SDK2: variants seen among roughly 807,000 people sequenced by gnomAD.
The protein encoded by SDK2 is sidekick cell adhesion molecule 2, also known as protein sidekick-2.
A neutral mutation model predicts 253.9 loss-of-function variants in SDK2; 105 were observed. That is an observed-to-expected ratio of 0.41 (90% CI 0.35 to 0.49). SDK2 has a LOEUF of 0.49. SDK2 is among the 20% of genes least tolerant of loss of function. SDK2 has a pLI of 0.06. For missense variants in SDK2, 2,608 were observed against 3,003.0 expected (o/e 0.87, Z 3.07); for synonymous variants, 1,249 against 1,234.9 (o/e 1.01, Z -0.24).
In SDK2 at chr17:73,511,008, G is replaced by A. The variant is rs1410637498; in HGVS notation, c.65-3411C>T. On this transcript the variant is annotated intron_variant, in intron 1 of 44. Transcript: ENST00000392650. The surrounding 1 kb of genome is among the most constrained non-coding windows in gnomAD (Gnocchi z 4.9). ...CCACCTCTGGCCAGGTGCTAGGGAG[G>A]ATGGAGAGGCTGATGGGCACCCATT... 6.6e-6 allele frequency among the ~76,000 whole-genome samples: 1 copy of A among 152,186 alleles called. No homozygotes were observed. The highest frequency in any genetic ancestry group is 1.5e-5 in the Non-Finnish European group (1 of 68,034).
chr17:73,476,026 C>T (rs995315266), intron 2 of SDK2, among the ~76,000 whole-genome samples: 16 of 151,366 alleles, frequency 1.1e-4, no homozygotes, highest in African/African-American at 3.6e-4. Flanking sequence ...GCAGGAGAAT[C>T]GCTTGAACCC....
At chr17:73,555,262 G>A (rs1281933529) in intron 1 of SDK2, among the ~76,000 whole-genome samples, 1 of 152,252 alleles carries the variant, frequency 6.6e-6, no homozygotes, top group African/African-American at 2.4e-5. Context: ...CCTCATGGAG[G>A]GCTTGAGTCT....
intron 43 of SDK2, 31 bp downstream of exon 43, chr17:73,350,206 T>TG (rs1298714158): frequency 6.4e-7 from 1 of 1,562,184 alleles, no homozygotes; most frequent in Non-Finnish European, 8.7e-7. Context: ...CTGCTGGGCC[T>TG]GGCCCCCAAC....
chr17:73,391,406 C>T (rs1167417071), intron 28 of SDK2, 34 bp downstream of exon 28: 1 of 1,225,458 alleles, frequency 8.2e-7, no homozygotes, highest in Admixed American at 3.5e-5. Context: ...TTCCTTCTTC[C>T]TGCAGCCGGG....
In SDK2 at chr17:73,496,634, C is replaced by T. The variant is rs147474551; in HGVS notation, c.224+10804G>A. Among the ~76,000 whole-genome samples, 151 of 152,204 alleles carry T rather than the reference C, an allele frequency of 9.9e-4. 1 individual carries two copies. Among genetic ancestry groups the T allele is most frequent in the African/African-American group, 3.2e-3 (134 of 41,528 alleles). On this transcript the variant is annotated intron_variant, in intron 2 of 44. Coordinates refer to ENST00000392650, the MANE Select transcript of SDK2 (RefSeq NM_001144952.2). This position sits in a 1 kb window ranked among gnomAD's most constrained non-coding sequence, Gnocchi z 4.7. ...CTGTCCACTGCCTGCTGGATATATCCGAGAAGATTCTTCCTGGCGTTCCAG... is the reference window on the plus strand; with the variant it reads ...CTGTCCACTGCCTGCTGGATATATCTGAGAAGATTCTTCCTGGCGTTCCAG...
chr17:73,587,655 C>T (rs1425794072), intron 1 of SDK2, among the ~76,000 whole-genome samples: 3 of 152,208 alleles, frequency 2.0e-5, no homozygotes, highest in African/African-American at 7.2e-5. Context: ...CCTCTCCTGA[C>T]TCTTCCAGCC....
intron 36 of SDK2, among the ~76,000 whole-genome samples, chr17:73,374,445 C>T (rs11650860): frequency 0.5 from 69,970 of 141,216 alleles, 20,920 homozygotes; most frequent in East Asian, 0.89. Flanking sequence ...TCCCTTTTCT[C>T]CCATTCCATG....
intron 1 of SDK2, among the ~76,000 whole-genome samples, chr17:73,533,671 C>T (rs1030023695): frequency 4.4e-5 from 6 of 135,066 alleles, no homozygotes; most frequent in African/African-American, 1.6e-4. Flanking sequence ...AAGGGCCCTC[C>T]CCCAGCCCCC....
intron 1 of SDK2, among the ~76,000 whole-genome samples, chr17:73,575,327 G>GC (rs1165634543): frequency 3.9e-5 from 6 of 152,158 alleles, no homozygotes; most frequent in African/African-American, 1.4e-4. Context: ...CTCCAAATCT[G>GC]CCCCAATCAC....
At chr17:73,436,805 A>G (rs1311512492) in intron 8 of SDK2, among the ~76,000 whole-genome samples, 1 of 152,114 alleles carries the variant, frequency 6.6e-6, no homozygotes, top group Non-Finnish European at 1.5e-5. Context: ...ACAGCATGTC[A>G]TAATTTAATT....
chr17:73,636,175 C>G (rs923578518), intron 1 of SDK2, among the ~76,000 whole-genome samples: 4 of 152,090 alleles, frequency 2.6e-5, no homozygotes, highest in Admixed American at 1.3e-4. Flanking sequence ...ACCAGAGAGG[C>G]CTGGGTTCAC....
In SDK2 at chr17:73,380,949, G is replaced by A. The variant is rs2062825510; in HGVS notation, c.4707C>T (p.Ser1569=). 1 of 1,557,516 alleles carries A rather than the reference G, an allele frequency of 6.4e-7. No homozygotes were observed. The highest frequency in any genetic ancestry group is 8.7e-7 in the Non-Finnish European group (1 of 1,149,624). Reference sequence around the variant, plus strand: ...GGCTCAGGTTCCGCATGGAGTACATGGCTATGGGGTGGGGGTGCCGGGGCG... The same window carrying A: ...GGCTCAGGTTCCGCATGGAGTACATAGCTATGGGGTGGGGGTGCCGGGGCG... ...NPGATWAELT[S]MYSMRNLSRP... is the part of the protein sequence containing the mutation. The change falls in exon 34 of 45, where the codon TCC becomes TCT. Residue 1569 remains serine (S), a splice_region_variant and synonymous_variant. Coordinates refer to ENST00000392650, the MANE Select transcript of SDK2 (RefSeq NM_001144952.2).
intron 1 of SDK2, among the ~76,000 whole-genome samples, chr17:73,563,630 T>C (rs1310420820): frequency 6.6e-6 from 1 of 152,174 alleles, no homozygotes; most frequent in East Asian, 1.9e-4. Flanking sequence ...TATATCTATC[T>C]CTGAGTTTGA....
In SDK2 at chr17:73,361,015, C is replaced by T. The variant is rs1418767861; in HGVS notation, c.5467+669G>A. On this transcript the variant is annotated intron_variant, in intron 39 of 44. Coordinates refer to ENST00000392650, the MANE Select transcript of SDK2 (RefSeq NM_001144952.2). This position sits in a 1 kb window ranked among gnomAD's most constrained non-coding sequence, Gnocchi z 4.1. Reference sequence around the variant, plus strand: ...AAGGAAGACTTCCTGGGGTGAGGGGCGGGCAGTTACACACAAAAGGGCGTT... The same window carrying T: ...AAGGAAGACTTCCTGGGGTGAGGGGTGGGCAGTTACACACAAAAGGGCGTT... 2.0e-4 allele frequency among the ~76,000 whole-genome samples: 12 copies of T among 60,872 alleles called. No homozygotes were observed. In the Admixed American group the frequency reaches 2.2e-3, roughly 11 times the overall value. The allele number at this position is 60,872 out of a possible 152,430, so 39.9% of individuals were successfully genotyped here.
chr17:73,347,830 C>T (rs2062498212), intron 44 of SDK2, among the ~76,000 whole-genome samples: 1 of 152,214 alleles, frequency 6.6e-6, no homozygotes, highest in South Asian at 2.1e-4. Flanking sequence ...CTAATGGCCG[C>T]TCTCTGAAGC....
intron 1 of SDK2, among the ~76,000 whole-genome samples, chr17:73,552,878 G>A (rs1308810516): frequency 1.1e-4 from 16 of 152,224 alleles, no homozygotes; most frequent in Admixed American, 9.8e-4. Flanking sequence ...CTCAACTCGA[G>A]AGCCCTTGCC....
At position 73,619,281 on chromosome 17, in the gene SDK2, G is replaced by GT. The variant is rs2046099708; in HGVS notation, c.64+24743dup. Reference sequence around the variant, plus strand: ...ATGGATGGCACAACGTGAGTTTCCTGTTTTTTATAGCAAAACTTGAGGGCA... The same window carrying GT: ...ATGGATGGCACAACGTGAGTTTCCTGTTTTTTTATAGCAAAACTTGAGGGCA... On this transcript the variant is annotated intron_variant, in intron 1 of 44. Transcript: ENST00000392650. Among the ~76,000 whole-genome samples the GT allele has an allele frequency of 9.9e-5, 15 of 152,120 alleles. No individual in the cohort carries two copies. The South Asian group carries it at 3.1e-3, about 32-fold the overall frequency.
intron 1 of SDK2, among the ~76,000 whole-genome samples, chr17:73,578,091 G>C (rs1044079582): frequency 2.1e-5 from 3 of 145,790 alleles, no homozygotes; most frequent in African/African-American, 7.7e-5. Flanking sequence ...ATGGAGTCTC[G>C]CTCTGTCACC....
chr17:73,400,323 C>A (rs1003329035), intron 21 of SDK2, among the ~76,000 whole-genome samples: 4 of 152,230 alleles, frequency 2.6e-5, no homozygotes, highest in Non-Finnish European at 4.4e-5. Context: ...TCTGCCACCT[C>A]CCAACCAACC....
Sources: gnomAD v4.1 joint callset for allele counts (sites outside exome capture counted in the v4.1 genomes callset) on GRCh38, gnomAD v4.1.1 for gene constraint, Gnocchi (gnomAD v3.1) non-coding constraint, MANE v1.5 for transcripts, NCBI Gene and HGNC (gene_info 2026-07-23, HGNC 2026-07-21) for gene names.